The following PPEF1 variants were observed in gnomAD, a reference collection of about 807,000 sequenced individuals.
PPEF1 encodes protein phosphatase with EF-hand domain 1.
PPEF1 carries 12 observed loss-of-function variants against 53.3 expected under a neutral mutation model. The observed-to-expected ratio is 0.23, with a 90% CI of 0.14 to 0.36. The LOEUF is 0.36. Ranked by LOEUF, PPEF1 falls within the 10% of genes least tolerant of loss-of-function variation. The pLI, the probability that PPEF1 is intolerant of heterozygous loss-of-function variation, is 1.00. For synonymous variants in PPEF1, 165 were observed against 176.7 expected (o/e 0.93, Z 0.52); for missense variants, 334 against 490.4 (o/e 0.68, Z 3.01).
chrX:18,786,105 A>G (rs978793729), intron 9 of PPEF1, among the ~76,000 whole-genome samples: 4 of 112,463 alleles, frequency 3.6e-5, no homozygotes, highest in African/African-American at 1.3e-4. Flanking sequence ...GCCACATTCC[A>G]TCACCACCTG....
At chrX:18,709,927 C>G (rs2044288826) in intron 1 of PPEF1, among the ~76,000 whole-genome samples, 1 of 112,057 alleles carries the variant, frequency 8.9e-6, no homozygotes, top group Non-Finnish European at 1.9e-5. Flanking sequence ...TGAGAAATTT[C>G]CAAGCTGTTT....
intron 9 of PPEF1, among the ~76,000 whole-genome samples, chrX:18,786,365 C>G (rs185873850): frequency 8.9e-6 from 1 of 112,014 alleles, no homozygotes; most frequent in African/African-American, 3.2e-5. Context: ...TGCCTCTGCC[C>G]CTTCCTGGGT....
chrX:18,706,473 G>A (rs1031707108), upstream of PPEF1, among the ~76,000 whole-genome samples: 12 of 110,704 alleles, frequency 1.1e-4, no homozygotes, highest in Admixed American at 9.6e-5. Flanking sequence ...GGCCAGGCAC[G>A]GTGGCTCACG....
At chrX:18,824,807 G>A (rs1037829725) in intron 14 of PPEF1, among the ~76,000 whole-genome samples, 1 of 109,851 alleles carries the variant, frequency 9.1e-6, no homozygotes, top group African/African-American at 3.3e-5. Context: ...GAGATTACAG[G>A]CGCCTGCCAC....
intron 4 of PPEF1, among the ~76,000 whole-genome samples, chrX:18,754,014 T>G (rs1409498507): frequency 1.9e-5 from 2 of 105,530 alleles, no homozygotes; most frequent in East Asian, 2.9e-4. Context: ...GTTAAGTTAG[T>G]GTTTTGACAG....
chrX:18,758,540 T>C (rs1486072926), intron 5 of PPEF1, among the ~76,000 whole-genome samples: 1 of 111,896 alleles, frequency 8.9e-6, no homozygotes, highest in African/African-American at 3.3e-5. Flanking sequence ...AGGGACTTGA[T>C]GTAGCAGTGC....
chrX:18,782,290 G>A, intron 7 of PPEF1, 76 bp from the exon 8 acceptor site: 2 of 850,165 alleles, frequency 2.4e-6, no homozygotes. Context: ...GAGATGCCAA[G>A]GGCTTCCCTT....
intron 1 of PPEF1, among the ~76,000 whole-genome samples, chrX:18,683,552 T>C (rs1928957498): frequency 9.0e-6 from 1 of 111,726 alleles, no homozygotes; most frequent in African/African-American, 3.3e-5. Context: ...ACAGAGTAAG[T>C]TGGTAACTTG....
At chrX:18,706,021 A>T (rs1420206148), upstream of PPEF1, among the ~76,000 whole-genome samples, 1 of 109,630 alleles carries the variant, frequency 9.1e-6, no homozygotes, top group African/African-American at 3.3e-5. Context: ...TGATCCCAGC[A>T]CTTTGGGAGG....
intron 13 of PPEF1, among the ~76,000 whole-genome samples, chrX:18,820,464 C>CA (rs2047010847): frequency 9.2e-6 from 1 of 108,670 alleles, no homozygotes; most frequent in Admixed American, 9.9e-5. Context: ...CGGCTCACTG[C>CA]AACCTCCGCC....
chrX:18,675,959 G>GA (rs1928657083), exon 1 of PPEF1: 1 of 92,675 alleles, frequency 1.1e-5, no homozygotes. Flanking sequence ...ATTTGGGCGG[G>GA]GGGGGGGGGG....
chrX:18,726,372 AAAT>A (rs1429794819), intron 1 of PPEF1, among the ~76,000 whole-genome samples: 2 of 108,375 alleles, frequency 1.8e-5, no homozygotes, highest in Non-Finnish European at 1.9e-5. Flanking sequence ...ATAAATAAAT[AAAT>A]AAATAAATAA....
chrX:18,697,012 G>T (rs1179067618), intron 4 of PPEF1, among the ~76,000 whole-genome samples: 1 of 112,576 alleles, frequency 8.9e-6, no homozygotes, highest in Non-Finnish European at 1.9e-5. Flanking sequence ...TGCCTTGGCA[G>T]AAATTGGAAC....
At chrX:18,719,848 G>T (rs1184660431) in intron 1 of PPEF1, among the ~76,000 whole-genome samples, 1 of 111,843 alleles carries the variant, frequency 8.9e-6, no homozygotes, top group Non-Finnish European at 1.9e-5. Flanking sequence ...AATCATCAAT[G>T]GATATTTTGG....
intron 1 of PPEF1, among the ~76,000 whole-genome samples, chrX:18,724,123 G>A (rs895868613): frequency 2.3e-4 from 26 of 111,602 alleles, no homozygotes; most frequent in African/African-American, 8.1e-4. Flanking sequence ...CAAATGCCAT[G>A]TATATAGCAA....
chrX:18,749,890 C>T lies in PPEF1; in HGVS notation c.334C>T (p.Leu112=), dbSNP rs1301284743. 8.3e-7 allele frequency: 1 copy of T among 1,204,638 alleles called. No homozygotes were observed. Reference sequence around the variant, plus strand: ...CCCAGACTCCTATAATGGTCCTCGGCTACAATTTCCTCTCACTTGTACGGA... The same window carrying T: ...CCCAGACTCCTATAATGGTCCTCGGTTACAATTTCCTCTCACTTGTACGGA... ...DVPDSYNGPR[L]QFPLTCTDID... Residue 112 remains leucine, a synonymous_variant, in exon 4 of 16, where the codon CTA becomes TTA. Transcript: ENST00000470157.
At chrX:18,816,995 C>G (rs985107122) in intron 12 of PPEF1, among the ~76,000 whole-genome samples, 1 of 108,633 alleles carries the variant, frequency 9.2e-6, no homozygotes, top group African/African-American at 3.4e-5. Flanking sequence ...ACAATCTCTG[C>G]CTTTTGATTA....
intron 1 of PPEF1, 60 bp downstream of exon 1, chrX:18,707,886 C>A: frequency 1.9e-6 from 2 of 1,037,295 alleles, no homozygotes; most frequent in Non-Finnish European, 1.3e-6. Flanking sequence ...GCTGCCCTCA[C>A]CCTCTTCTCC....
At chrX:18,722,210 C>G (rs1181432272) in intron 1 of PPEF1, among the ~76,000 whole-genome samples, 1 of 112,575 alleles carries the variant, frequency 8.9e-6, no homozygotes, top group East Asian at 2.8e-4. Context: ...CAGCCATATC[C>G]TCTTCTCATC....
Sources: gnomAD v4.1 joint callset for allele counts (sites outside exome capture counted in the v4.1 genomes callset) on GRCh38, gnomAD v4.1.1 for gene constraint, MANE v1.5 for transcripts, NCBI Gene and HGNC (gene_info 2026-07-23, HGNC 2026-07-21) for gene names.